Variants in CFAP54 observed in about 807,000 individuals in gnomAD.
The protein encoded by CFAP54 is cilia- and flagella-associated protein 54.
Under a neutral mutation model 370.4 loss-of-function variants are expected in CFAP54, and 290 were observed. That is an observed-to-expected ratio of 0.78 (90% CI 0.71 to 0.86). The LOEUF is 0.86. CFAP54 is among the 40% of genes least tolerant of loss of function. The pLI, the probability that CFAP54 is intolerant of heterozygous loss-of-function variation, is 0.00. For synonymous variants in CFAP54, 1,206 were observed against 1,236.5 expected (o/e 0.98, Z 0.52); for missense variants, 3,399 against 3,528.7 (o/e 0.96, Z 0.93).
At chr12:96,546,589 TAGGCCA>T (rs1033154612) in intron 14 of CFAP54, among the ~76,000 whole-genome samples, 4 of 152,160 alleles carry the variant, frequency 2.6e-5, no homozygotes, top group Admixed American at 1.3e-4. Flanking sequence ...AGCATTTTGG[TAGGCCA>T]AGCCAGGTGG....
intron 9 of CFAP54, among the ~76,000 whole-genome samples, chr12:96,529,934 T>C (rs1043229277): frequency 2.0e-5 from 3 of 152,216 alleles, no homozygotes; most frequent in African/African-American, 7.2e-5. Flanking sequence ...TCTCGTATGT[T>C]TTCTTCCATA....
chr12:96,654,500 C>CAA (rs549250505), intron 36 of CFAP54, among the ~76,000 whole-genome samples: 2,327 of 135,126 alleles, frequency 0.017, 63 homozygotes, highest in East Asian at 0.1. Context: ...GACTCCGTCT[C>CAA]AAAAAAAAAA....
intron 9 of CFAP54, among the ~76,000 whole-genome samples, chr12:96,530,414 C>T (rs915169659): frequency 6.6e-6 from 1 of 152,172 alleles, no homozygotes; most frequent in African/African-American, 2.4e-5. Context: ...CATTTGAATC[C>T]AGGAGTCAGA....
In CFAP54 at chr12:96,744,108, C is replaced by T; in HGVS notation, c.7646C>T (p.Pro2549Leu). Residue 2549 changes from proline (P) to leucine (L), a missense_variant, in exon 55 of 68, where the codon CCC (proline) becomes CTC (leucine). Around this residue, in one of 3 missense-constraint regions of CFAP54, gnomAD observed 2,796 missense variants for 2,869.7 expected, o/e 0.97. Transcript: ENST00000524981. ...CAGCCTTTGAAAAATATCTATCTTC[C>T]CCATGTCATGTTATTGGCCAAAATA... The part of the protein sequence containing the change: ...PLQPLKNIYL[P>L]HVMLLAKIKM... 6.2e-7 allele frequency: 1 copy of T among 1,609,692 alleles called. No homozygotes were observed. The highest frequency in any genetic ancestry group is 8.5e-7 in the Non-Finnish European group (1 of 1,176,852).
intron 46 of CFAP54, among the ~76,000 whole-genome samples, chr12:96,704,110 G>C (rs1382121431): frequency 6.6e-6 from 1 of 152,082 alleles, no homozygotes; most frequent in Non-Finnish European, 1.5e-5. Context: ...AGTGAACATG[G>C]AATAGAAATC....
Position 96,792,370 on chromosome 12 carries a change from G to C in CFAP54, c.8721G>C (p.Lys2907Asn). The change falls in exon 63 of 68, where the codon AAG becomes AAC. Residue 2907 changes from lysine to asparagine, a missense_variant. Around this residue, in one of 3 missense-constraint regions of CFAP54, gnomAD observed 2,796 missense variants for 2,869.7 expected, o/e 0.97. Transcript: ENST00000524981. ...DSSVQSILSFKPVSGSSCVDI... is the reference protein window; with the variant it reads ...DSSVQSILSFNPVSGSSCVDI... Reference sequence around the variant, plus strand: ...CTGTACAATCCATTTTATCTTTTAAGCCTGTTTCAGGCTCATCTTGTGTGG... The same window carrying C: ...CTGTACAATCCATTTTATCTTTTAACCCTGTTTCAGGCTCATCTTGTGTGG... 1 of 1,535,514 alleles carries C rather than the reference G, an allele frequency of 6.5e-7. No individual in the cohort carries two copies. The highest frequency in any genetic ancestry group is 8.7e-7 in the Non-Finnish European group (1 of 1,146,654).
chr12:96,819,367 T>C (rs937916327), intron 65 of CFAP54, among the ~76,000 whole-genome samples: 1 of 152,226 alleles, frequency 6.6e-6, no homozygotes, highest in Non-Finnish European at 1.5e-5. Context: ...TAACAGTTTG[T>C]TCATTAGCCA....
intron 38 of CFAP54, among the ~76,000 whole-genome samples, chr12:96,663,255 G>A (rs1054615812): frequency 4.6e-5 from 7 of 152,184 alleles, no homozygotes; most frequent in Admixed American, 1.3e-4. Flanking sequence ...CAGGAGGACT[G>A]TATTTTGAGT....
chr12:96,508,126 C>CTTTTTTTTTTTT (rs398020728), intron 4 of CFAP54, among the ~76,000 whole-genome samples: 1 of 112,232 alleles, frequency 8.9e-6, no homozygotes, highest in Non-Finnish European at 1.7e-5. Flanking sequence ...CAAACATAGT[C>CTTTTTTTTTTTT]TTTTTTTTTT....
At position 96,806,046 on chromosome 12, in the gene CFAP54, T is replaced by C. The variant is rs961485536; in HGVS notation, c.8851-5690T>C. On this transcript the variant is annotated intron_variant, in intron 63 of 67. Transcript: ENST00000524981. ...CAGTGGAATAATAGACATTGGAAAC[T>C]ACAAAGAGTGGGAGGGTGGGAGATG... Among the ~76,000 whole-genome samples, 7 of 150,034 alleles carry C rather than the reference T, an allele frequency of 4.7e-5. No homozygotes were observed. The East Asian group carries it at 1.2e-3, about 25-fold the overall frequency.
intron 26 of CFAP54, among the ~76,000 whole-genome samples, chr12:96,603,734 C>T (rs1408829607): frequency 6.6e-6 from 1 of 151,510 alleles, no homozygotes; most frequent in Non-Finnish European, 1.5e-5. Context: ...TCCTTTCTTC[C>T]ACTTGATCGA....
intron 66 of CFAP54, among the ~76,000 whole-genome samples, chr12:96,857,075 C>T (rs182362385): frequency 5.3e-5 from 8 of 152,186 alleles, no homozygotes; most frequent in Non-Finnish European, 1.5e-5. Flanking sequence ...AGGGAAAAGC[C>T]CCTTATAAAA....
rs772187242 is a variant in CFAP54, at chr12:96,685,064, A to G, written c.5840A>G (p.Asp1947Gly). Reference protein sequence around the residue: ...AFKCWCQALDDIFRKPDVLHT... With the variant: ...AFKCWCQALDGIFRKPDVLHT... ...AAGTGTTGGTGTCAAGCTCTTGATG[A>G]CATATTCAGAAAACCAGACGTGCTA... The change falls in exon 42 of 68, where the codon GAC becomes GGC. Residue 1947 changes from aspartate (D) to glycine (G), a missense_variant. Physicochemically the swap from Asp to Gly is moderately conservative, Grantham distance 94. This residue lies in a region of CFAP54 where 2,796 missense variants were observed against 2,869.7 expected (regional missense o/e 0.97). Transcript: ENST00000524981. 6.2e-7 allele frequency: 1 copy of G among 1,613,954 alleles called. No homozygotes were observed. Among genetic ancestry groups the G allele is most frequent in the Non-Finnish European group, 8.5e-7 (1 of 1,180,014 alleles).
chr12:96,752,085 T>TAAGAGAGAGAGA (rs1378500964), intron 55 of CFAP54, among the ~76,000 whole-genome samples: 7 of 90,624 alleles, frequency 7.7e-5, no homozygotes, highest in African/African-American at 2.3e-4. Flanking sequence ...TCTTCCTGGA[T>TAAGAGAGAGAGA]GAGAGAGAGA....
At chr12:96,674,269 T>C (rs1957178641) in intron 39 of CFAP54, among the ~76,000 whole-genome samples, 1 of 152,144 alleles carries the variant, frequency 6.6e-6, no homozygotes, top group Non-Finnish European at 1.5e-5. Flanking sequence ...GTGGACCCCT[T>C]TCTCAGGAGT....
At chr12:96,528,597 A>G (rs1486055020) in intron 9 of CFAP54, among the ~76,000 whole-genome samples, 4 of 152,146 alleles carry the variant, frequency 2.6e-5, no homozygotes, top group African/African-American at 9.6e-5. Flanking sequence ...AATATTTTAA[A>G]TGATGAATTC....
At position 96,704,797 on chromosome 12, in the gene CFAP54, G is replaced by A; in HGVS notation, c.6528+1G>A. ...TCTTACCAGTAAAGAAAATATACAGGTAAGGATAATAATATTTTATAAACA... is the reference window on the plus strand; with the variant it reads ...TCTTACCAGTAAAGAAAATATACAGATAAGGATAATAATATTTTATAAACA... On this transcript the variant is annotated splice_donor_variant, in intron 47 of 67. Coordinates refer to ENST00000524981, the MANE Select transcript of CFAP54 (RefSeq NM_001306084.2). LOFTEE classifies it high-confidence loss of function. The A allele has an allele frequency of 1.9e-6, 2 of 1,067,088 alleles. No individual in the cohort carries two copies. The highest frequency in any genetic ancestry group is 2.7e-6 in the Non-Finnish European group (2 of 747,452). The allele number at this position is 1,067,088 out of a possible 1,614,324, so 66.1% of individuals were successfully genotyped here.
intron 60 of CFAP54, among the ~76,000 whole-genome samples, chr12:96,771,600 C>A (rs970735410): frequency 6.6e-6 from 1 of 152,010 alleles, no homozygotes; most frequent in Non-Finnish European, 1.5e-5. Flanking sequence ...TGCAGTGAGC[C>A]GAGATAGCGC....
chr12:96,562,458 C>T (rs1955825864), intron 17 of CFAP54, among the ~76,000 whole-genome samples: 1 of 143,910 alleles, frequency 6.9e-6, no homozygotes, highest in Non-Finnish European at 1.5e-5. Flanking sequence ...AGACAGTCTC[C>T]CTCTGTCACC....
Sources: gnomAD v4.1 joint callset for allele counts (sites outside exome capture counted in the v4.1 genomes callset) on GRCh38, gnomAD v4.1.1 for gene constraint, gnomAD v4.1.1 regional missense constraint, MANE v1.5 for transcripts, NCBI Gene and HGNC (gene_info 2026-07-23, HGNC 2026-07-21) for gene names.